ZNF644: variants seen among roughly 807,000 people sequenced by gnomAD.
ZNF644 encodes zinc finger protein 644.
ZNF644 carries 20 observed loss-of-function variants against 108.0 expected under a neutral mutation model. The ratio of observed to expected loss-of-function variants is 0.19; its 90% CI spans 0.13 to 0.27. The LOEUF is 0.27. Among genes scored for constraint, ZNF644 ranks in the 10% least tolerant of loss-of-function variants. ZNF644 has a pLI of 1.00. For synonymous variants in ZNF644, 542 were observed against 539.1 expected, an observed-to-expected ratio of 1.01 and a Z score of -0.08; for missense variants, 1,338 against 1,548.9, an observed-to-expected ratio of 0.86 and a Z score of 2.29.
intron 4 of ZNF644, among the ~76,000 whole-genome samples, chr1:90,923,637 TTTCA>T (rs1649714561): frequency 6.6e-6 from 1 of 152,168 alleles, no homozygotes. Context: ...CCTAAATAAC[TTTCA>T]TTAATTTTTA....
intron 1 of ZNF644, among the ~76,000 whole-genome samples, chr1:90,998,777 T>C (rs1339561290): frequency 6.6e-6 from 1 of 152,100 alleles, no homozygotes; most frequent in African/African-American, 2.4e-5. Context: ...TTCAAACCCA[T>C]TGCAAAGAAG....
intron 1 of ZNF644, among the ~76,000 whole-genome samples, chr1:91,004,224 T>G (rs1270696898): frequency 4.8e-5 from 7 of 146,984 alleles, no homozygotes; most frequent in Non-Finnish European, 1.5e-5. Context: ...CTCAAGGAAC[T>G]ACACAGAGGA....
intron 2 of ZNF644, among the ~76,000 whole-genome samples, chr1:90,943,705 T>A (rs1459629922): frequency 6.6e-6 from 1 of 152,202 alleles, no homozygotes; most frequent in Admixed American, 6.5e-5. Flanking sequence ...TTTAATGATA[T>A]CACTCCAAAA....
chr1:90,947,876 T>C (rs1291778136), intron 2 of ZNF644, among the ~76,000 whole-genome samples: 1 of 152,142 alleles, frequency 6.6e-6, no homozygotes, highest in Non-Finnish European at 1.5e-5. Context: ...ACACAGTCTA[T>C]AAAAATTTTA....
intron 1 of ZNF644, among the ~76,000 whole-genome samples, chr1:91,013,451 TCACACACACACA>T (rs10590932): frequency 7.8e-4 from 110 of 140,160 alleles, no homozygotes; most frequent in African/African-American, 2.4e-3. Flanking sequence ...AATCTCTCTC[TCACACACACACA>T]CACACACACA....
At chr1:90,964,561 C>T (rs1416801461) in intron 2 of ZNF644, among the ~76,000 whole-genome samples, 1 of 152,114 alleles carries the variant, frequency 6.6e-6, no homozygotes, top group East Asian at 1.9e-4. Context: ...GTATCAGTTT[C>T]CCTCTGAATT....
At chr1:90,972,804 A>G (rs536198227) in intron 2 of ZNF644, 11 of 152,340 alleles carry the variant, frequency 7.2e-5, no homozygotes, top group African/African-American at 2.6e-4. Context: ...AATTCTGCAA[A>G]ATGCTGTAAC....
intron 1 of ZNF644, among the ~76,000 whole-genome samples, chr1:91,001,856 A>T (rs1390600466): frequency 1.3e-5 from 2 of 152,234 alleles, no homozygotes; most frequent in Non-Finnish European, 2.9e-5. Context: ...TACAAAATCA[A>T]TGTGCAAAAA....
In ZNF644 at chr1:91,007,220, A is replaced by ATTTTTTTTTTTTTTTTTTTTTTTTTTT. The variant is rs1557658483; in HGVS notation, c.-18+14769_-18+14770insAAAAAAAAAAAAAAAAAAAAAAAAAAA. On this transcript the variant is annotated intron_variant, in intron 1 of 5. Coordinates refer to ENST00000337393, the MANE Select transcript of ZNF644 (RefSeq NM_201269.3). ...TTCTTAATTTCTTCCATTTTCTCCC[A>ATTTTTTTTTTTTTTTTTTTTTTTTTTT]TTTTGTTTTTTTTTTTTTTTTTTTT... is the stretch of plus-strand genomic sequence containing the variant. Among the ~76,000 whole-genome samples, 2 of 30,276 alleles carry ATTTTTTTTTTTTTTTTTTTTTTTTTTT rather than the reference A, an allele frequency of 6.6e-5. 1 individual carries two copies. Among genetic ancestry groups the ATTTTTTTTTTTTTTTTTTTTTTTTTTT allele is most frequent in the Non-Finnish European group, 1.3e-4 (2 of 15,280 alleles). 19.9% of individuals were successfully genotyped at this position (30,276 alleles called of 152,430 possible).
intron 1 of ZNF644, among the ~76,000 whole-genome samples, chr1:91,016,498 T>A (rs1660444309): frequency 6.6e-6 from 1 of 152,230 alleles, no homozygotes; most frequent in Non-Finnish European, 1.5e-5. Flanking sequence ...CATAACTGTT[T>A]AGTATTTGTG....
At chr1:90,924,801 T>G (rs943609252) in intron 4 of ZNF644, among the ~76,000 whole-genome samples, 82 of 152,088 alleles carry the variant, frequency 5.4e-4, no homozygotes, top group African/African-American at 1.9e-3. Flanking sequence ...ACATAAACCT[T>G]GGATAACAAG....
intron 4 of ZNF644, among the ~76,000 whole-genome samples, chr1:90,921,761 C>T (rs1196124292): frequency 1.3e-5 from 2 of 151,274 alleles, no homozygotes; most frequent in African/African-American, 2.4e-5. Context: ...ATAGAATATA[C>T]CTTTCAGTAA....
At chr1:90,935,596 GA>G in intron 4 of ZNF644, 1 of 973,898 alleles carries the variant, frequency 1.0e-6, no homozygotes, top group Non-Finnish European at 1.2e-6. Flanking sequence ...TTAGCTTAAA[GA>G]GTGTAGAAAA....
chr1:90,951,204 C>T (rs1316659305), intron 2 of ZNF644, among the ~76,000 whole-genome samples: 2 of 152,194 alleles, frequency 1.3e-5, no homozygotes, highest in African/African-American at 4.8e-5. Flanking sequence ...TCCTTACACA[C>T]TTACCATCTA....
intron 1 of ZNF644, among the ~76,000 whole-genome samples, chr1:91,003,563 G>T (rs1659104745): frequency 6.6e-6 from 1 of 152,024 alleles, no homozygotes; most frequent in Non-Finnish European, 1.5e-5. Flanking sequence ...GATAGCATTA[G>T]GAGATATACC....
Position 90,937,918 on chromosome 1 carries a change from A to T in ZNF644, c.3255T>A (p.Asn1085Lys). 6.2e-7 allele frequency: 1 copy of T among 1,613,660 alleles called. No individual in the cohort carries two copies. The highest frequency in any genetic ancestry group is 1.1e-5 in the South Asian group (1 of 91,072). Residue 1085 changes from asparagine (N) to lysine (K), a missense_variant, in exon 4 of 6, where the codon AAT becomes AAA. Physicochemically the swap from Asn to Lys is moderately conservative, Grantham distance 94. This residue lies in a region of ZNF644 where 287 missense variants were observed against 310.9 expected (regional missense o/e 0.92). Coordinates refer to ENST00000337393, the MANE Select transcript of ZNF644 (RefSeq NM_201269.3). ...PICVLNEMMQNEEKYEKILKA... is the reference protein window; with the variant it reads ...PICVLNEMMQKEEKYEKILKA... Reference sequence around the variant, plus strand: ...TTAAGATTTTTTCATATTTTTCTTCATTTTGCATCATCTCATTCAGAACAC... The same window carrying T: ...TTAAGATTTTTTCATATTTTTCTTCTTTTTGCATCATCTCATTCAGAACAC...
chr1:90,976,991 T>C (rs1040290787), intron 2 of ZNF644, among the ~76,000 whole-genome samples: 9 of 152,074 alleles, frequency 5.9e-5, no homozygotes, highest in African/African-American at 2.2e-4. Flanking sequence ...TTCTCAGCTC[T>C]TTTTTTCTGG....
chr1:90,986,983 A>T lies in ZNF644; in HGVS notation c.-17-4613T>A, dbSNP rs942862975. 2.6e-5 allele frequency among the ~76,000 whole-genome samples: 4 copies of T among 151,598 alleles called. No individual in the cohort carries two copies. The South Asian group carries it at 8.3e-4, about 31-fold the overall frequency. On this transcript the variant is annotated intron_variant, in intron 1 of 5. Coordinates refer to ENST00000337393, the MANE Select transcript of ZNF644 (RefSeq NM_201269.3). ...TAAATATCCGGAGACAAAAACAAAA[A>T]CACAACAAACCATTACGTTATGAGA...
At chr1:91,015,357 A>C (rs937606148) in intron 1 of ZNF644, among the ~76,000 whole-genome samples, 1 of 151,920 alleles carries the variant, frequency 6.6e-6, no homozygotes, top group African/African-American at 2.4e-5. Flanking sequence ...GAAATTCCCA[A>C]CTCAGACTAT....
Sources: gnomAD v4.1 joint callset for allele counts (sites outside exome capture counted in the v4.1 genomes callset) on GRCh38, gnomAD v4.1.1 for gene constraint, gnomAD v4.1.1 regional missense constraint, MANE v1.5 for transcripts, NCBI Gene and HGNC (gene_info 2026-07-23, HGNC 2026-07-21) for gene names.